PPP1R9A: variants seen among roughly 807,000 people sequenced by gnomAD.
PPP1R9A encodes protein phosphatase 1 regulatory subunit 9A.
In PPP1R9A, 59 loss-of-function variants were observed where a neutral mutation model predicts 141.9. The ratio of observed to expected loss-of-function variants is 0.42; its 90% CI spans 0.34 to 0.52. The LOEUF is 0.52. Ranked by LOEUF, PPP1R9A falls within the 20% of genes least tolerant of loss-of-function variation. PPP1R9A has a pLI of 0.10. For missense variants in PPP1R9A, 1,444 were observed against 1,611.9 expected (o/e 0.90, Z 1.78); for synonymous variants, 500 against 569.7 (o/e 0.88, Z 1.74).
At chr7:94,961,357 A>G (rs1797625136) in intron 2 of PPP1R9A, among the ~76,000 whole-genome samples, 1 of 151,732 alleles carries the variant, frequency 6.6e-6, no homozygotes, top group South Asian at 2.1e-4. Context: ...GTATTATTCT[A>G]ATAACCCAGT....
chr7:95,045,784 G>A (rs537557841), intron 2 of PPP1R9A, among the ~76,000 whole-genome samples: 1 of 151,750 alleles, frequency 6.6e-6, no homozygotes, highest in East Asian at 2.0e-4. Flanking sequence ...CTACTGTATG[G>A]TTGCCTGACA....
Position 95,293,508 on chromosome 7 carries a change from G to GCAA in PPP1R9A, c.*3205_*3206insCAA, listed in dbSNP as rs1210834737. 6.6e-6 allele frequency: 1 copy of GCAA among 152,142 alleles called. No homozygotes were observed. The highest frequency in any genetic ancestry group is 2.4e-5 in the African/African-American group (1 of 41,430). The allele number at this position is 152,142 out of a possible 1,614,324, so 9.4% of individuals were successfully genotyped here. ...CCACAGCAGTTCATGATTGCAGTATGATAGGTACTAAAGCCAAACTCAGCT... is the reference window on the plus strand; with the variant it reads ...CCACAGCAGTTCATGATTGCAGTATGCAAATAGGTACTAAAGCCAAACTCAGCT... On this transcript the variant is annotated 3_prime_UTR_variant, in exon 20 of 20. Transcript: ENST00000433360.
intron 2 of PPP1R9A, among the ~76,000 whole-genome samples, chr7:94,986,082 A>G (rs1009019504): frequency 1.3e-5 from 2 of 152,156 alleles, no homozygotes; most frequent in African/African-American, 4.8e-5. Flanking sequence ...GGTTGGGGAA[A>G]GTTTGTAGCA....
chr7:95,005,187 A>G (rs1803432592), intron 2 of PPP1R9A, among the ~76,000 whole-genome samples: 2 of 152,078 alleles, frequency 1.3e-5, no homozygotes, highest in Admixed American at 1.3e-4. Flanking sequence ...TGATTTATTT[A>G]CTTTTTAATT....
chr7:95,126,197 T>C (rs1823532800), intron 4 of PPP1R9A, among the ~76,000 whole-genome samples: 1 of 152,188 alleles, frequency 6.6e-6, no homozygotes, highest in African/African-American at 2.4e-5. Context: ...TTAATGTTGC[T>C]CCAGCTGGTC....
intron 2 of PPP1R9A, among the ~76,000 whole-genome samples, chr7:94,943,997 A>G (rs1294112650): frequency 6.6e-6 from 1 of 152,136 alleles, no homozygotes; most frequent in Admixed American, 6.5e-5. Flanking sequence ...GTGTCCTACC[A>G]AACTTCCAAG....
At chr7:95,002,262 A>G (rs561414977) in intron 2 of PPP1R9A, among the ~76,000 whole-genome samples, 82 of 152,354 alleles carry the variant, frequency 5.4e-4, no homozygotes, top group African/African-American at 1.9e-3. Context: ...ATTATAGATT[A>G]GGATTTATTC....
At chr7:95,233,190 TA>T (rs1796213303) in intron 8 of PPP1R9A, among the ~76,000 whole-genome samples, 1 of 152,102 alleles carries the variant, frequency 6.6e-6, no homozygotes, top group African/African-American at 2.4e-5. Flanking sequence ...TATGCAGTCA[TA>T]AAAAAGGATG....
chr7:95,212,875 C>T (rs544681110), intron 7 of PPP1R9A, among the ~76,000 whole-genome samples: 2 of 152,136 alleles, frequency 1.3e-5, no homozygotes, highest in Non-Finnish European at 2.9e-5. Context: ...GTCTGGGAGC[C>T]TAGAGAATAT....
intron 2 of PPP1R9A, among the ~76,000 whole-genome samples, chr7:95,000,375 A>G (rs1368941064): frequency 6.6e-6 from 1 of 152,180 alleles, no homozygotes; most frequent in Non-Finnish European, 1.5e-5. Flanking sequence ...TGTACACTTC[A>G]CATACACATA....
intron 2 of PPP1R9A, among the ~76,000 whole-genome samples, chr7:94,976,444 G>A (rs1048915875): frequency 6.6e-6 from 1 of 151,054 alleles, no homozygotes; most frequent in Non-Finnish European, 1.5e-5. Context: ...GGGTTCAGGC[G>A]ATTCTCCTGC....
At chr7:94,915,491 T>TA in intron 2 of PPP1R9A, among the ~76,000 whole-genome samples, 1 of 152,318 alleles carries the variant, frequency 6.6e-6, no homozygotes, top group African/African-American at 2.4e-5. Context: ...ATTACCTTGA[T>TA]ACAATGGTTG....
rs779049415 is a variant in PPP1R9A, at chr7:94,910,925, C to T, written c.812C>T (p.Ala271Val). 2 of 1,614,122 alleles carry T rather than the reference C, an allele frequency of 1.2e-6. No individual in the cohort carries two copies. Among genetic ancestry groups the T allele is most frequent in the African/African-American group, 1.3e-5 (1 of 75,040 alleles). The part of the protein sequence containing the change: ...SNKRGVDTED[A>V]HKSNATPVPE... ...AAGCGAGGTGTTGATACAGAGGATG[C>T]TCACAAGAGTAATGCAACTCCAGTA... Residue 271 changes from alanine to valine, a missense_variant, in exon 2 of 20, where the codon GCT (alanine) becomes GTT (valine). By Grantham distance (64) the Ala-to-Val change is moderately conservative (BLOSUM62 0). This residue lies in a region of PPP1R9A where 490 missense variants were observed against 521.1 expected (regional missense o/e 0.94). Coordinates refer to ENST00000433360, the MANE Select transcript of PPP1R9A (RefSeq NM_001166160.2). The surrounding 1 kb of genome is among the most constrained non-coding windows in gnomAD (Gnocchi z 4.5).
intron 2 of PPP1R9A, among the ~76,000 whole-genome samples, chr7:94,998,966 G>A (rs1418360749): frequency 6.6e-6 from 1 of 152,146 alleles, no homozygotes; most frequent in African/African-American, 2.4e-5. Context: ...ATGCTGCCAG[G>A]CTGATCTTGA....
At chr7:95,026,133 T>G (rs1264010588) in intron 2 of PPP1R9A, among the ~76,000 whole-genome samples, 2 of 152,192 alleles carry the variant, frequency 1.3e-5, no homozygotes, top group Non-Finnish European at 2.9e-5. Context: ...CAAGGAGTTG[T>G]GATCCTTTGG....
intron 9 of PPP1R9A, 77 bp from the exon 10 acceptor site, chr7:95,249,949 C>T (rs1242261182): frequency 3.4e-6 from 5 of 1,467,748 alleles, no homozygotes; most frequent in African/African-American, 1.4e-5. Flanking sequence ...ACTTGATCTA[C>T]AACATGCTAT....
chr7:95,104,055 A>T (rs1054114563), intron 2 of PPP1R9A, among the ~76,000 whole-genome samples: 1 of 152,044 alleles, frequency 6.6e-6, no homozygotes, highest in African/African-American at 2.4e-5. Flanking sequence ...AGATATTGGT[A>T]CTTTAAATCT....
intron 5 of PPP1R9A, among the ~76,000 whole-genome samples, chr7:95,172,361 A>G (rs1344992746): frequency 6.6e-6 from 1 of 151,700 alleles, no homozygotes; most frequent in Non-Finnish European, 1.5e-5. Flanking sequence ...CCATGAAGAA[A>G]ATCCTAAAGT....
chr7:95,082,603 G>A (rs1050919137), intron 2 of PPP1R9A, among the ~76,000 whole-genome samples: 1 of 151,760 alleles, frequency 6.6e-6, no homozygotes, highest in Non-Finnish European at 1.5e-5. Flanking sequence ...AGCATGGCAT[G>A]GGGGCGTGTG....
Sources: gnomAD v4.1 joint callset for allele counts (sites outside exome capture counted in the v4.1 genomes callset) on GRCh38, gnomAD v4.1.1 for gene constraint, gnomAD v4.1.1 regional missense constraint, Gnocchi (gnomAD v3.1) non-coding constraint, MANE v1.5 for transcripts, NCBI Gene and HGNC (gene_info 2026-07-23, HGNC 2026-07-21) for gene names.